Variants in GIGYF1 observed in about 807,000 individuals in gnomAD.
The protein encoded by GIGYF1 is GRB10 interacting GYF protein 1, also known as GRB10-interacting GYF protein 1.
Under a neutral mutation model 147.1 loss-of-function variants are expected in GIGYF1, and 84 were observed. That is an observed-to-expected ratio of 0.57 (90% CI 0.48 to 0.68). The LOEUF (loss-of-function observed/expected upper bound fraction) is 0.68, where lower values mean the gene tolerates loss of function less well. Ranked by LOEUF, GIGYF1 falls within the 30% of genes least tolerant of loss-of-function variation. The pLI is 0.00. For synonymous variants in GIGYF1, 752 were observed against 589.5 expected (o/e 1.28, Z -3.99); for missense variants, 1,485 against 1,393.7 (o/e 1.07, Z -1.04).
rs540477090 is a variant in GIGYF1, at chr7:100,684,399, T to G, written c.1629+51A>C. ...GGAGGAGGGGACTCTGCTGGACTCCTGCCGGCACCCCTCACACCCTGTCCC... is the reference window on the plus strand; with the variant it reads ...GGAGGAGGGGACTCTGCTGGACTCCGGCCGGCACCCCTCACACCCTGTCCC... On this transcript the variant is annotated intron_variant, in intron 16 of 26. Coordinates refer to ENST00000678049, the MANE Select transcript of GIGYF1 (RefSeq NM_001375765.1). The G allele has an allele frequency of 3.7e-6, 6 of 1,605,454 alleles. No homozygotes were observed. The East Asian group carries it at 1.3e-4, about 36-fold the overall frequency.
In GIGYF1 at chr7:100,683,115, G is replaced by C; in HGVS notation, c.2309C>G (p.Ser770Cys). 1 of 1,593,330 alleles carries C rather than the reference G, an allele frequency of 6.3e-7. No individual in the cohort carries two copies. ...CTGCAACTCCAGGAGCGTCTTCATGGACAGCCCCTGCTTGGCCAGGCCAGC... is the reference window on the plus strand; with the variant it reads ...CTGCAACTCCAGGAGCGTCTTCATGCACAGCCCCTGCTTGGCCAGGCCAGC... ...LWAGLAKQGL[S>C]MKTLLELQLE... The change falls in exon 22 of 27, where the codon TCC becomes TGC. Residue 770 changes from serine to cysteine, a missense_variant. Physicochemically the swap from Ser to Cys is moderately radical, Grantham distance 112. Coordinates refer to ENST00000678049, the MANE Select transcript of GIGYF1 (RefSeq NM_001375765.1).
chr7:100,686,411 G>A lies in GIGYF1; in HGVS notation c.717C>T (p.Gly239=), dbSNP rs1478221285. 6.2e-7 allele frequency: 1 copy of A among 1,604,946 alleles called. No individual in the cohort carries two copies. Reference sequence around the variant, plus strand: ...GCCGCCGTTCCCCATGTTCCCGCCAGCCAGCAGAGCGGGGACCACCATCTG... The same window carrying A: ...GCCGCCGTTCCCCATGTTCCCGCCAACCAGCAGAGCGGGGACCACCATCTG... ...ASPDGGPRSA[G]WREHGERRRK... The change falls in exon 11 of 27, where the codon GGC becomes GGT. Residue 239 remains glycine, a synonymous_variant. Coordinates refer to ENST00000678049, the MANE Select transcript of GIGYF1 (RefSeq NM_001375765.1).
At chr7:100,692,936 C>G (rs1416703656) in intron 1 of GIGYF1, among the ~76,000 whole-genome samples, 2 of 152,200 alleles carry the variant, frequency 1.3e-5, no homozygotes. Flanking sequence ...AACCCCAAAT[C>G]CCCCATGTCG....
At chr7:100,682,887 G>C in intron 22 of GIGYF1, 110 bp from the exon 23 acceptor site, 1 of 1,279,054 alleles carries the variant, frequency 7.8e-7, no homozygotes, top group Non-Finnish European at 1.1e-6. Flanking sequence ...GGCCACAAGA[G>C]CTGTTGCCAT....
At chr7:100,693,669 C>T (rs1031909814) in intron 1 of GIGYF1, among the ~76,000 whole-genome samples, 3 of 152,084 alleles carry the variant, frequency 2.0e-5, no homozygotes, top group African/African-American at 4.8e-5. Context: ...CACCCTAGGA[C>T]GCTAGGGTCG....
At position 100,688,521 on chromosome 7, in the gene GIGYF1, G is replaced by A; in HGVS notation, c.-134-6C>T. On this transcript the variant is annotated splice_region_variant and splice_polypyrimidine_tract_variant and intron_variant, in intron 2 of 26. Transcript: ENST00000678049. The stretch of plus-strand genomic sequence containing the variant: ...GAGTCCAGACGGTGAAAGACCTGGG[G>A]GAGGCGAGGAGATGGGAAGCTCGAG... 1.5e-6 allele frequency: 1 copy of A among 662,532 alleles called. No homozygotes were observed. Among genetic ancestry groups the A allele is most frequent in the Non-Finnish European group, 2.8e-6 (1 of 359,434 alleles). The allele number at this position is 662,532 out of a possible 1,614,324, so 41.0% of individuals were successfully genotyped here. A position where few individuals can be genotyped will look rare whatever the true frequency, so the allele number is the denominator to read the frequency against.
At chr7:100,689,838 G>C (rs1482799374) in intron 1 of GIGYF1, among the ~76,000 whole-genome samples, 1 of 152,210 alleles carries the variant, frequency 6.6e-6, no homozygotes, top group Non-Finnish European at 1.5e-5. Context: ...CTGGGGACTG[G>C]ATGAGCCTTG....
At chr7:100,689,763 G>A (rs962858302) in intron 1 of GIGYF1, among the ~76,000 whole-genome samples, 9 of 152,152 alleles carry the variant, frequency 5.9e-5, no homozygotes, top group Non-Finnish European at 7.4e-5. Context: ...CTCCAGTGGT[G>A]GTGTGTTCCA....
intron 13 of GIGYF1, 31 bp from the exon 14 acceptor site, chr7:100,685,177 A>C (rs755436795): frequency 2.6e-6 from 4 of 1,540,302 alleles, no homozygotes; most frequent in African/African-American, 2.7e-5. Context: ...GGTGGAAAGA[A>C]GGGCGGGGAG....
chr7:100,687,459 G>A (rs1273518952), intron 7 of GIGYF1, 46 bp downstream of exon 7: 2 of 1,606,844 alleles, frequency 1.2e-6, no homozygotes, highest in Admixed American at 3.3e-5. Flanking sequence ...CTCGAAGTCA[G>A]GGGCCCAGAT....
chr7:100,688,046 A>G lies in GIGYF1; in HGVS notation c.100T>C (p.Tyr34His). The G allele has an allele frequency of 6.2e-7, 1 of 1,609,886 alleles. No homozygotes were observed. Among genetic ancestry groups the G allele is most frequent in the Non-Finnish European group, 8.5e-7 (1 of 1,176,500 alleles). ...CCATAACGGTAGTCAGCCAGCTTGT[A>G]TTTGGGCATGGCAGGGGACGGGGGT... ...SPPPSPAMPK[Y>H]KLADYRYGRE... is the part of the protein sequence containing the mutation. The change falls in exon 5 of 27, where the codon TAC becomes CAC. Residue 34 changes from tyrosine (Y) to histidine (H), a missense_variant. Coordinates refer to ENST00000678049, the MANE Select transcript of GIGYF1 (RefSeq NM_001375765.1).
chr7:100,685,779 C>G (rs184479445), intron 12 of GIGYF1, among the ~76,000 whole-genome samples, 195 bp downstream of exon 12: 4 of 152,340 alleles, frequency 2.6e-5, no homozygotes, highest in African/African-American at 9.6e-5. Context: ...TTGATTACGC[C>G]TGATTTCTAT....
chr7:100,687,464 C>G, intron 7 of GIGYF1, 41 bp downstream of exon 7: 1 of 1,606,162 alleles, frequency 6.2e-7, no homozygotes, highest in Non-Finnish European at 8.5e-7. Context: ...AGTCAGGGGC[C>G]CAGATCTGCC....
At chr7:100,684,362 T>G in intron 16 of GIGYF1, 25 bp from the exon 17 acceptor site, 9 of 1,595,108 alleles carry the variant, frequency 5.6e-6, no homozygotes, top group Non-Finnish European at 6.8e-6. Flanking sequence ...GCTCGGCCAG[T>G]GCCCCCAGCA....
chr7:100,684,081 G>GC lies in GIGYF1; in HGVS notation c.1806_1807insG (p.Gln603AlafsTer57). On this transcript the variant is annotated frameshift_variant, in exon 18 of 27. Coordinates refer to ENST00000678049, the MANE Select transcript of GIGYF1 (RefSeq NM_001375765.1). LOFTEE classifies it high-confidence loss of function. ...GCCGTGAGCTGCTGCTGCTGCTGCTGTGGCGGCGGCGGTGGTGGCGGTGTC... is the reference window on the plus strand; with the variant it reads ...GCCGTGAGCTGCTGCTGCTGCTGCTGCTGGCGGCGGCGGTGGTGGCGGTGTC... 1 of 1,606,908 alleles carries GC rather than the reference G, an allele frequency of 6.2e-7. No homozygotes were observed. The highest frequency in any genetic ancestry group is 8.5e-7 in the Non-Finnish European group (1 of 1,179,572).
In GIGYF1 at chr7:100,685,451, T is replaced by C; in HGVS notation, c.1085A>G (p.Gln362Arg). The C allele has an allele frequency of 6.3e-7, 1 of 1,597,980 alleles. No homozygotes were observed. The highest frequency in any genetic ancestry group is 2.0e-4 in the Middle Eastern group (1 of 4,958). The change falls in exon 13 of 27, where the codon CAG (glutamine) becomes CGG (arginine). Residue 362 changes from glutamine to arginine, a missense_variant. Coordinates refer to ENST00000678049, the MANE Select transcript of GIGYF1 (RefSeq NM_001375765.1). ...GGATGGGGAGCTGGACTTCTCCTCCTGAGGAGGCAGTGGGGTCAGCTCTTT... is the reference window on the plus strand; with the variant it reads ...GGATGGGGAGCTGGACTTCTCCTCCCGAGGAGGCAGTGGGGTCAGCTCTTT... Reference protein sequence around the residue: ...GGKELTPLPPQEEKSSSPSPL... With the variant: ...GGKELTPLPPREEKSSSPSPL...
chr7:100,686,830 G>A lies in GIGYF1; in HGVS notation c.524-11C>T, dbSNP rs763168112. 1 of 1,613,392 alleles carries A rather than the reference G, an allele frequency of 6.2e-7. No homozygotes were observed. The highest frequency in any genetic ancestry group is 1.1e-5 in the South Asian group (1 of 91,054). ...CAAAGCCACATCGTGCTGGGAGACGGGAAGACAGGGGCAGTTATTAGAAAG... is the reference window on the plus strand; with the variant it reads ...CAAAGCCACATCGTGCTGGGAGACGAGAAGACAGGGGCAGTTATTAGAAAG... On this transcript the variant is annotated splice_polypyrimidine_tract_variant and intron_variant, in intron 9 of 26. Transcript: ENST00000678049.
chr7:100,684,150 G>C lies in GIGYF1; in HGVS notation c.1738C>G (p.Leu580Val). The change falls in exon 18 of 27, where the codon CTC (leucine) becomes GTC (valine). Residue 580 changes from leucine to valine, a missense_variant. Transcript: ENST00000678049. ...TTTTCTCGGAGCGCGCACTGTGGGA[G>C]CTGGCGGCTGCAAATGGGACAGTGG... ...QFLQLVSSRQ[L>V]PQCALREKAA... 6.2e-7 allele frequency: 1 copy of C among 1,608,700 alleles called. No individual in the cohort carries two copies. The highest frequency in any genetic ancestry group is 8.5e-7 in the Non-Finnish European group (1 of 1,179,554).
rs1307994209 is a variant in GIGYF1 at position 100,682,058 on chromosome 7, G to A, written c.2925+14C>T. ...AGGCAAGCCCACCCCAGCTGCTGGTGCCGGCTGCCTCACCTGCTGCTGCTG... is the reference window on the plus strand; with the variant it reads ...AGGCAAGCCCACCCCAGCTGCTGGTACCGGCTGCCTCACCTGCTGCTGCTG... On this transcript the variant is annotated intron_variant, in intron 25 of 26. Coordinates refer to ENST00000678049, the MANE Select transcript of GIGYF1 (RefSeq NM_001375765.1). The A allele has an allele frequency of 6.2e-7, 1 of 1,611,934 alleles. No individual in the cohort carries two copies. The highest frequency in any genetic ancestry group is 8.5e-7 in the Non-Finnish European group (1 of 1,179,596).
Sources: allele counts gnomAD v4.1 joint callset (sites outside exome capture counted in the v4.1 genomes callset), GRCh38; gene constraint gnomAD v4.1.1; transcripts MANE v1.5; gene names NCBI Gene and HGNC (gene_info 2026-07-23, HGNC 2026-07-21).